The following RIMS2 variants were observed in gnomAD, a reference collection of about 807,000 sequenced individuals.
RIMS2 encodes regulating synaptic membrane exocytosis 2.
RIMS2 carries 59 observed loss-of-function variants against 174.4 expected under a neutral mutation model. The ratio of observed to expected loss-of-function variants is 0.34; its 90% CI spans 0.27 to 0.42. RIMS2 has a LOEUF of 0.42. Among genes scored for constraint, RIMS2 ranks in the 10% least tolerant of loss-of-function variants. The probability of loss-of-function intolerance (pLI) is 1.00; values close to 1 mark genes in which losing one functional copy is unlikely to be tolerated. For missense variants in RIMS2, 1,620 were observed against 1,666.3 expected, an observed-to-expected ratio of 0.97 and a Z score of 0.48; for synonymous variants, 606 against 572.5, an observed-to-expected ratio of 1.06 and a Z score of -0.84.
chr8:103,832,126 G>A (rs904838070), intron 3 of RIMS2, among the ~76,000 whole-genome samples: 1 of 152,114 alleles, frequency 6.6e-6, no homozygotes, highest in Non-Finnish European at 1.5e-5. Context: ...GTGTCTTTTT[G>A]TAGTCATTTA....
At chr8:103,882,278 G>T (rs2154518819) in intron 3 of RIMS2, among the ~76,000 whole-genome samples, 1 of 151,522 alleles carries the variant, frequency 6.6e-6, no homozygotes, top group South Asian at 2.1e-4. Flanking sequence ...ATTTTATTTA[G>T]TTCCTGAAAG....
intron 1 of RIMS2, among the ~76,000 whole-genome samples, chr8:103,629,862 GA>G (rs1194170212): frequency 6.6e-6 from 1 of 150,704 alleles, no homozygotes. Context: ...CTGATGAACA[GA>G]AAAAACAAAT....
At chr8:104,230,616 A>T (rs906968627) in intron 19 of RIMS2, among the ~76,000 whole-genome samples, 8 of 152,222 alleles carry the variant, frequency 5.3e-5, no homozygotes, top group African/African-American at 1.9e-4. Flanking sequence ...ACTGCACTCC[A>T]GCCTGGGCGA....
chr8:103,903,317 T>A (rs998563234), intron 4 of RIMS2, among the ~76,000 whole-genome samples: 1 of 152,164 alleles, frequency 6.6e-6, no homozygotes, highest in Non-Finnish European at 1.5e-5. Flanking sequence ...TGTTACAACA[T>A]GTTATTACTT....
chr8:103,991,959 A>G (rs1282101542), intron 17 of RIMS2, among the ~76,000 whole-genome samples: 2 of 152,194 alleles, frequency 1.3e-5, no homozygotes, highest in African/African-American at 4.8e-5. Context: ...ACTGCCTCCA[A>G]TTGTATAGTA....
rs755501827 is a variant in RIMS2, at chr8:103,618,683, G to T, written c.177-78403G>T. Among the ~76,000 whole-genome samples the T allele has an allele frequency of 4.6e-5, 7 of 152,018 alleles. 1 individual carries two copies. The highest frequency in any genetic ancestry group is 2.0e-4 in the Admixed American group (3 of 15,244). The stretch of plus-strand genomic sequence containing the variant: ...TCCCTGACTACATGTTTCCTTAGGG[G>T]CCTCTCAATGGTAGTATCCTGTCAT... On this transcript the variant is annotated intron_variant, in intron 1 of 23. Transcript: ENST00000504942.
At chr8:103,668,214 T>C (rs2096698837) in intron 1 of RIMS2, among the ~76,000 whole-genome samples, 1 of 152,220 alleles carries the variant, frequency 6.6e-6, no homozygotes, top group Non-Finnish European at 1.5e-5. Context: ...ATCTGCAATA[T>C]CTTTGACCAA....
At chr8:103,666,573 T>C (rs1004884913) in intron 1 of RIMS2, among the ~76,000 whole-genome samples, 1 of 152,192 alleles carries the variant, frequency 6.6e-6, no homozygotes, top group Non-Finnish European at 1.5e-5. Context: ...ACTTCCTTAT[T>C]ATGCTGGAAT....
chr8:104,106,853 G>A lies in RIMS2; in HGVS notation c.3334+92238G>A, dbSNP rs544282066. Reference sequence around the variant, plus strand: ...AAGCAAATTTAACATACAGAAGTTCGAATTTTATAGATATAGTAAAAGAAA... The same window carrying A: ...AAGCAAATTTAACATACAGAAGTTCAAATTTTATAGATATAGTAAAAGAAA... On this transcript the variant is annotated intron_variant, in intron 19 of 23. Coordinates refer to ENST00000504942, the Ensembl canonical transcript of RIMS2. Among the ~76,000 whole-genome samples, 90 of 152,122 alleles carry A rather than the reference G, an allele frequency of 5.9e-4. 1 individual carries two copies. The highest frequency in any genetic ancestry group is 2.0e-3 in the African/African-American group (83 of 41,506).
intron 3 of RIMS2, among the ~76,000 whole-genome samples, chr8:103,839,022 G>A (rs756716853): frequency 2.0e-5 from 3 of 152,028 alleles, no homozygotes; most frequent in Non-Finnish European, 4.4e-5. Context: ...CCAAGATCGC[G>A]CCACTGCACT....
intron 4 of RIMS2, among the ~76,000 whole-genome samples, chr8:103,902,733 G>A (rs1241023938): frequency 1.3e-5 from 2 of 152,110 alleles, no homozygotes; most frequent in Non-Finnish European, 2.9e-5. Flanking sequence ...CTTGTCCTCT[G>A]AGAAATCTTC....
intron 1 of RIMS2, among the ~76,000 whole-genome samples, chr8:103,687,200 G>T (rs960496881): frequency 6.6e-6 from 1 of 151,878 alleles, no homozygotes; most frequent in Non-Finnish European, 1.5e-5. Flanking sequence ...TTCAAAGAAA[G>T]ACATACATAC....
intron 14 of RIMS2, among the ~76,000 whole-genome samples, chr8:103,949,681 A>C (rs1449796462): frequency 6.6e-6 from 1 of 152,184 alleles, no homozygotes; most frequent in African/African-American, 2.4e-5. Flanking sequence ...TTATATTATT[A>C]ATACCAAAAA....
chr8:104,220,841 A>G (rs1043403326), intron 19 of RIMS2, among the ~76,000 whole-genome samples: 1 of 152,110 alleles, frequency 6.6e-6, no homozygotes, highest in Non-Finnish European at 1.5e-5. Flanking sequence ...TTCTGAGCTC[A>G]AGTGATCCTC....
chr8:104,077,841 A>G (rs2097328290), intron 19 of RIMS2, among the ~76,000 whole-genome samples: 1 of 151,408 alleles, frequency 6.6e-6, no homozygotes, highest in African/African-American at 2.4e-5. Context: ...TAAAAGATCT[A>G]CAGTTAAAAA....
chr8:103,994,977 G>A (rs1163387473), intron 17 of RIMS2, among the ~76,000 whole-genome samples: 2 of 151,804 alleles, frequency 1.3e-5, no homozygotes, highest in South Asian at 4.1e-4. Context: ...CATATTTTCT[G>A]TTATTCTTAA....
At chr8:103,872,362 T>A (rs1161163888) in intron 3 of RIMS2, among the ~76,000 whole-genome samples, 2 of 152,254 alleles carry the variant, frequency 1.3e-5, no homozygotes, top group African/African-American at 4.8e-5. Context: ...TACTTGTTTA[T>A]AACAAGTTTG....
chr8:103,549,615 TAAC>T (rs1406019343), intron 1 of RIMS2, among the ~76,000 whole-genome samples: 2 of 152,088 alleles, frequency 1.3e-5, no homozygotes, highest in Non-Finnish European at 2.9e-5. Context: ...AATTCACACA[TAAC>T]AATATTAACC....
intron 13 of RIMS2, among the ~76,000 whole-genome samples, chr8:103,937,758 T>C (rs2081598685): frequency 6.6e-6 from 1 of 152,102 alleles, no homozygotes; most frequent in Non-Finnish European, 1.5e-5. Context: ...GGGAATATGG[T>C]AAGAAATGAG....
Sources: allele counts gnomAD v4.1 joint callset (sites outside exome capture counted in the v4.1 genomes callset), GRCh38; gene constraint gnomAD v4.1.1; transcripts MANE v1.5; gene names NCBI Gene and HGNC (gene_info 2026-07-23, HGNC 2026-07-21).